The following UNC5C variants were observed in gnomAD, a reference collection of about 807,000 sequenced individuals.
The protein encoded by UNC5C is netrin receptor UNC5C.
A neutral mutation model predicts 99.8 loss-of-function variants in UNC5C; 47 were observed. That is an observed-to-expected ratio of 0.47 (90% CI 0.37 to 0.60). The LOEUF is 0.60. UNC5C is among the 20% of genes least tolerant of loss of function. The pLI, the probability that UNC5C is intolerant of heterozygous loss-of-function variation, is 0.00. For missense variants in UNC5C, 1,062 were observed against 1,165.9 expected (o/e 0.91, Z 1.30); for synonymous variants, 487 against 452.2 (o/e 1.08, Z -0.98).
At chr4:95,365,880 T>C (rs1188692004) in intron 1 of UNC5C, among the ~76,000 whole-genome samples, 1 of 152,152 alleles carries the variant, frequency 6.6e-6, no homozygotes, top group African/African-American at 2.4e-5. Flanking sequence ...TTAGCTGCTA[T>C]GTAAAAAGTG....
chr4:95,424,502 A>ATTTTTTTTTTTTTTT (rs202226117), intron 1 of UNC5C, among the ~76,000 whole-genome samples: 1 of 95,824 alleles, frequency 1.0e-5, no homozygotes, highest in African/African-American at 4.0e-5. Flanking sequence ...GGGCTTCAGA[A>ATTTTTTTTTTTTTTT]TTTTTTTTTT....
At chr4:95,291,982 G>T (rs975273791) in intron 3 of UNC5C, among the ~76,000 whole-genome samples, 3 of 151,916 alleles carry the variant, frequency 2.0e-5, no homozygotes, top group African/African-American at 7.3e-5. Context: ...TACATTTGGT[G>T]TTAGGCTACT....
chr4:95,224,355 C>G (rs115182062), intron 7 of UNC5C, among the ~76,000 whole-genome samples: 2 of 152,186 alleles, frequency 1.3e-5, no homozygotes, highest in African/African-American at 4.8e-5. Flanking sequence ...AAAAGGAAAG[C>G]CTATCTCCAG....
At chr4:95,540,008 T>A (rs1057511327) in intron 1 of UNC5C, among the ~76,000 whole-genome samples, 3 of 152,200 alleles carry the variant, frequency 2.0e-5, no homozygotes, top group Admixed American at 2.0e-4. Context: ...GATTTATATA[T>A]GTGTGTATAA....
intron 4 of UNC5C, among the ~76,000 whole-genome samples, chr4:95,264,158 T>C (rs1290904618): frequency 1.3e-5 from 2 of 152,150 alleles, no homozygotes; most frequent in Non-Finnish European, 2.9e-5. Context: ...AGGAACAATC[T>C]TCACATTGTG....
At chr4:95,478,444 C>T (rs1051998527) in intron 1 of UNC5C, among the ~76,000 whole-genome samples, 11 of 152,012 alleles carry the variant, frequency 7.2e-5, no homozygotes, top group Non-Finnish European at 1.3e-4. Context: ...AAACGTTCTT[C>T]CACCGATTTC....
intron 4 of UNC5C, among the ~76,000 whole-genome samples, chr4:95,251,274 A>G (rs888263647): frequency 2.0e-5 from 3 of 152,212 alleles, no homozygotes; most frequent in Non-Finnish European, 4.4e-5. Flanking sequence ...TTGGAGATGT[A>G]TCTAAGCCAA....
At chr4:95,437,481 T>C (rs138321869) in intron 1 of UNC5C, among the ~76,000 whole-genome samples, 13 of 152,118 alleles carry the variant, frequency 8.5e-5, no homozygotes, top group Admixed American at 5.9e-4. Flanking sequence ...AAGGAACTTG[T>C]AGCACTTGGG....
chr4:95,397,207 A>G (rs1159930191), intron 1 of UNC5C, among the ~76,000 whole-genome samples: 1 of 152,240 alleles, frequency 6.6e-6, no homozygotes, highest in Non-Finnish European at 1.5e-5. Flanking sequence ...TTTCTGAAAA[A>G]TGTAAGTGCT....
chr4:95,230,179 T>C (rs1738857436), intron 7 of UNC5C, among the ~76,000 whole-genome samples: 1 of 152,204 alleles, frequency 6.6e-6, no homozygotes, highest in African/African-American at 2.4e-5. Context: ...GGTTTCGATT[T>C]GCATTTCTCT....
At chr4:95,278,076 T>A (rs1740923741) in intron 4 of UNC5C, among the ~76,000 whole-genome samples, 183 bp downstream of exon 4, 1 of 152,252 alleles carries the variant, frequency 6.6e-6, no homozygotes, top group South Asian at 2.1e-4. Flanking sequence ...GGCATTCTAA[T>A]TGACTCCCAA....
At chr4:95,262,340 G>A (rs1372195255) in intron 4 of UNC5C, among the ~76,000 whole-genome samples, 1 of 152,140 alleles carries the variant, frequency 6.6e-6, no homozygotes, top group Non-Finnish European at 1.5e-5. Flanking sequence ...TGGAAGACGT[G>A]CAGAGTTGAG....
chr4:95,279,581 GCAT>G, intron 3 of UNC5C, among the ~76,000 whole-genome samples: 1 of 152,276 alleles, frequency 6.6e-6, no homozygotes, highest in South Asian at 2.1e-4. Context: ...CTTTGAAGCA[GCAT>G]TTTTTTAAAA....
chr4:95,394,193 C>T (rs902166443), intron 1 of UNC5C, among the ~76,000 whole-genome samples: 9 of 151,888 alleles, frequency 5.9e-5, no homozygotes, highest in Non-Finnish European at 1.2e-4. Context: ...AGCTTGACTT[C>T]TGTACCCAGC....
intron 1 of UNC5C, among the ~76,000 whole-genome samples, chr4:95,367,784 T>G (rs1744618416): frequency 6.6e-6 from 1 of 152,208 alleles, no homozygotes; most frequent in African/African-American, 2.4e-5. Flanking sequence ...TTTAGTTGTT[T>G]CAAGGAGATC....
chr4:95,362,923 C>T (rs1019915578), intron 1 of UNC5C, among the ~76,000 whole-genome samples: 4 of 151,580 alleles, frequency 2.6e-5, no homozygotes, highest in Middle Eastern at 3.4e-3. Context: ...AATAGGATAC[C>T]ATGGAAAAGG....
rs149478921 is a variant in UNC5C, at chr4:95,215,649, A to C, written c.1733+475T>G. Among the ~76,000 whole-genome samples, 963 of 152,126 alleles carry C rather than the reference A, an allele frequency of 6.3e-3. 12 individuals are homozygous for C. Among genetic ancestry groups the C allele is most frequent in the African/African-American group, 0.022 (919 of 41,552 alleles). ...ATAAGAAGGAAATTAGTAATACTTA[A>C]GCTAGAAGACAGTCACAAAAGGAAG... is the stretch of plus-strand genomic sequence containing the variant. On this transcript the variant is annotated intron_variant, in intron 10 of 15. Transcript: ENST00000453304.
intron 3 of UNC5C, among the ~76,000 whole-genome samples, chr4:95,287,007 G>A (rs528949937): frequency 9.8e-5 from 15 of 152,290 alleles, no homozygotes; most frequent in African/African-American, 3.6e-4. Context: ...GAGACCAATG[G>A]TCCAGATAGT....
intron 1 of UNC5C, among the ~76,000 whole-genome samples, chr4:95,425,037 T>C (rs1189528583): frequency 6.6e-6 from 1 of 152,152 alleles, no homozygotes. Flanking sequence ...TTCAAAAATG[T>C]CTAAAGTTGA....
Sources: allele counts gnomAD v4.1 joint callset (sites outside exome capture counted in the v4.1 genomes callset), GRCh38; gene constraint gnomAD v4.1.1; transcripts MANE v1.5; gene names NCBI Gene and HGNC (gene_info 2026-07-23, HGNC 2026-07-21).